ATRX: variants seen among roughly 807,000 people sequenced by gnomAD.
ATRX encodes chromatin remodeler ATRX.
Under a neutral mutation model 172.6 loss-of-function variants are expected in ATRX, and 12 were observed. The observed-to-expected ratio is 0.07, with a 90% confidence interval of 0.04 to 0.11. The LOEUF is 0.11. Ranked by LOEUF, ATRX falls within the 10% of genes least tolerant of loss-of-function variation. The pLI, the probability that ATRX is intolerant of heterozygous loss-of-function variation, is 1.00. For missense variants in ATRX, 1,368 were observed against 1,767.4 expected, an observed-to-expected ratio of 0.77 and a Z score of 4.05; for synonymous variants, 674 against 594.7, an observed-to-expected ratio of 1.13 and a Z score of -1.94.
At chrX:77,773,092 TAAAAAAA>T (rs782649057) in intron 1 of ATRX, among the ~76,000 whole-genome samples, 1 of 37,358 alleles carries the variant, frequency 2.7e-5, no homozygotes, top group Non-Finnish European at 4.2e-5. Context: ...AAATTTCAGC[TAAAAAAA>T]AAAAAAAAAA....
At chrX:77,630,200 A>G (rs2148323212) in intron 19 of ATRX, among the ~76,000 whole-genome samples, 1 of 112,480 alleles carries the variant, frequency 8.9e-6, no homozygotes, top group Admixed American at 9.4e-5. Context: ...CACTAAAGAA[A>G]TTAAAGGACC....
At chrX:77,678,344 T>G (rs1603207099) in intron 9 of ATRX, among the ~76,000 whole-genome samples, 2 of 112,090 alleles carry the variant, frequency 1.8e-5, no homozygotes, top group African/African-American at 6.5e-5. Flanking sequence ...GTAACAGTAC[T>G]GTCACTCCCT....
intron 30 of ATRX, among the ~76,000 whole-genome samples, chrX:77,523,649 C>A (rs782593111): frequency 9.0e-6 from 1 of 111,614 alleles, no homozygotes; most frequent in East Asian, 2.8e-4. Flanking sequence ...TTTCAGATTT[C>A]AAGGTCTTTC....
At chrX:77,556,507 T>A (rs1431320017) in intron 30 of ATRX, among the ~76,000 whole-genome samples, 2 of 110,055 alleles carry the variant, frequency 1.8e-5, no homozygotes, top group Admixed American at 1.9e-4. Context: ...CCTTGTGTAA[T>A]CACAAACTCT....
intron 16 of ATRX, among the ~76,000 whole-genome samples, chrX:77,635,004 G>A (rs1363273458): frequency 1.8e-5 from 2 of 111,966 alleles, no homozygotes; most frequent in African/African-American, 6.5e-5. Flanking sequence ...AAACGTGGCC[G>A]GGCACAGTGG....
chrX:77,618,237 G>C (rs1220874533), intron 21 of ATRX, among the ~76,000 whole-genome samples: 1 of 111,651 alleles, frequency 9.0e-6, no homozygotes, highest in Non-Finnish European at 1.9e-5. Context: ...TGCGTATCTT[G>C]AGATCTATTA....
chrX:77,642,730 C>G (rs1024342235), intron 15 of ATRX, among the ~76,000 whole-genome samples: 14 of 111,153 alleles, frequency 1.3e-4, no homozygotes, highest in Non-Finnish European at 2.5e-4. Context: ...AACTCCAGTT[C>G]CCACACAGAA....
intron 1 of ATRX, among the ~76,000 whole-genome samples, chrX:77,772,542 T>C (rs1177664946): frequency 5.7e-5 from 6 of 104,679 alleles, no homozygotes; most frequent in Admixed American, 1.0e-4. Context: ...AGTGGCGCCA[T>C]CTCGGCTCAC....
intron 1 of ATRX, among the ~76,000 whole-genome samples, chrX:77,732,616 G>A (rs2148815643): frequency 9.0e-6 from 1 of 111,731 alleles, no homozygotes; most frequent in Non-Finnish European, 1.9e-5. Flanking sequence ...GATGCAAGAG[G>A]GGATCAATAT....
intron 1 of ATRX, among the ~76,000 whole-genome samples, chrX:77,772,055 G>C (rs1338388592): frequency 5.4e-5 from 6 of 111,731 alleles, no homozygotes; most frequent in African/African-American, 2.0e-4. Context: ...AGCACTGTGG[G>C]AGGCCGAGGC....
intron 15 of ATRX, among the ~76,000 whole-genome samples, chrX:77,646,212 A>C (rs916226108): frequency 8.9e-6 from 1 of 112,014 alleles, no homozygotes; most frequent in Non-Finnish European, 1.9e-5. Context: ...CTGGTTATCT[A>C]AAAAAGGTTC....
At chrX:77,512,370 G>C (rs1327393715) in intron 34 of ATRX, among the ~76,000 whole-genome samples, 1 of 112,216 alleles carries the variant, frequency 8.9e-6, no homozygotes, top group Non-Finnish European at 1.9e-5. Flanking sequence ...GAAAGAAAAG[G>C]ATGTTAACAA....
rs782293614 is a variant in ATRX at position 77,663,549 on chromosome X, T to C, written c.3953A>G (p.Asn1318Ser). The change falls in exon 12 of 35, where the codon AAT becomes AGT. Residue 1318 changes from asparagine to serine, a missense_variant. Coordinates refer to ENST00000373344, the MANE Select transcript of ATRX (RefSeq NM_000489.6). Reference sequence around the variant, plus strand: ...TGAATCTGATTCAGAATTGACTTGATTTTTTGCTTCTAAATGAAGGAAATA... The same window carrying C: ...TGAATCTGATTCAGAATTGACTTGACTTTTTGCTTCTAAATGAAGGAAATA... ...EENPGDEEAKNQVNSESDSDS... is the reference protein window; with the variant it reads ...EENPGDEEAKSQVNSESDSDS... 8.3e-6 allele frequency: 10 copies of C among 1,206,312 alleles called. No individual in the cohort carries two copies. In the South Asian group the frequency reaches 1.1e-4, roughly 13 times the overall value.
At chrX:77,656,423 T>C (rs2069555832) in intron 13 of ATRX, 137 bp downstream of exon 13, 2 of 506,793 alleles carry the variant, frequency 3.9e-6, no homozygotes, top group Non-Finnish European at 6.9e-6. Context: ...AACTATTAAG[T>C]ATAACAATTA....
In ATRX at chrX:77,559,449, CTTTTTTTTT is replaced by C. The variant is rs782028709; in HGVS notation, c.6327-612_6327-604del. On this transcript the variant is annotated intron_variant, in intron 28 of 34. Coordinates refer to ENST00000373344, the MANE Select transcript of ATRX (RefSeq NM_000489.6). ...TTATAAGGTTTCTTTCTTTCTTTCC[CTTTTTTTTT>C]TTTTTTTTTTTTTTTTTTGAGACGG... Among the ~76,000 whole-genome samples, 88 of 41,723 alleles carry C rather than the reference CTTTTTTTTT, an allele frequency of 2.1e-3. 3 individuals carry two copies. In the East Asian group the frequency reaches 0.073, roughly 35 times the overall value. 36.2% of individuals were successfully genotyped at this position (41,723 alleles called of 115,157 possible).
intron 27 of ATRX, among the ~76,000 whole-genome samples, chrX:77,576,687 T>C (rs1252936314): frequency 1.8e-5 from 2 of 111,259 alleles, no homozygotes; most frequent in East Asian, 2.8e-4. Flanking sequence ...CAATGATACA[T>C]ATATTTATGA....
At chrX:77,608,045 T>C (rs916868366) in intron 22 of ATRX, among the ~76,000 whole-genome samples, 5 of 110,803 alleles carry the variant, frequency 4.5e-5, no homozygotes, top group African/African-American at 1.6e-4. Flanking sequence ...AAGTATACTA[T>C]AGAACTACTG....
chrX:77,552,860 A>G (rs183988601), intron 30 of ATRX, among the ~76,000 whole-genome samples: 1 of 111,656 alleles, frequency 9.0e-6, no homozygotes, highest in East Asian at 2.8e-4. Flanking sequence ...CAGTAATCAC[A>G]TATCAAGTAA....
Position 77,786,187 on chromosome X carries a change from C to T in ATRX, c.-186G>A. On this transcript the variant is annotated 5_prime_UTR_variant, in exon 1 of 35. The change creates a new upstream start codon in the 5' untranslated region. Coordinates refer to ENST00000373344, the MANE Select transcript of ATRX (RefSeq NM_000489.6). ...CAGGAGCCGCGGAAACAAAGCGACA[C>T]CGCTGCCGCCGCCATTTTGTTGGGC... 2.2e-6 allele frequency: 1 copy of T among 458,844 alleles called. No individual in the cohort carries two copies. The highest frequency in any genetic ancestry group is 3.6e-6 in the Non-Finnish European group (1 of 275,689). 37.8% of individuals were successfully genotyped at this position (458,844 alleles called of 1,213,427 possible). A position where few individuals can be genotyped will look rare whatever the true frequency, so the allele number is the denominator to read the frequency against.
Sources: allele counts gnomAD v4.1 joint callset (sites outside exome capture counted in the v4.1 genomes callset), GRCh38; gene constraint gnomAD v4.1.1; transcripts MANE v1.5; gene names NCBI Gene and HGNC (gene_info 2026-07-23, HGNC 2026-07-21).